Variants in ABLIM1 observed in about 807,000 individuals in gnomAD.
ABLIM1 encodes actin-binding LIM protein 1.
Under a neutral mutation model 107.0 loss-of-function variants are expected in ABLIM1, and 40 were observed. The ratio of observed to expected loss-of-function variants is 0.37; its 90% confidence interval spans 0.29 to 0.49. The LOEUF is 0.49. ABLIM1 is among the 20% of genes least tolerant of loss of function. ABLIM1 has a pLI of 0.97. For synonymous variants in ABLIM1, 357 were observed against 357.3 expected (o/e 1.00, Z 0.01); for missense variants, 857 against 1,008.5 (o/e 0.85, Z 2.04).
At chr10:114,774,561 C>T in the ABLIM1 span, among the ~76,000 whole-genome samples, 67 of 152,110 alleles carry the variant, frequency 4.4e-4, no homozygotes, top group Admixed American at 2.0e-4. Context: ...TGAAGTTCCA[C>T]GAGGATAGGT....
At chr10:114,543,739 C>T (rs1296784625) in intron 6 of ABLIM1, among the ~76,000 whole-genome samples, 1 of 152,190 alleles carries the variant, frequency 6.6e-6, no homozygotes, top group East Asian at 1.9e-4. Context: ...CTCTTGGGAC[C>T]CTGCCCACTT....
At chr10:114,464,939 A>C (rs1432991836) in intron 12 of ABLIM1, among the ~76,000 whole-genome samples, 1 of 152,342 alleles carries the variant, frequency 6.6e-6, no homozygotes, top group South Asian at 2.1e-4. Context: ...TTGGATCTGT[A>C]CTGGGATCTC....
chr10:114,695,059 T>C (rs2081167212), intron 1 of ABLIM1, among the ~76,000 whole-genome samples: 1 of 152,218 alleles, frequency 6.6e-6, no homozygotes, highest in African/African-American at 2.4e-5. Flanking sequence ...TGCTTGATGG[T>C]ATGTACTGAG....
At chr10:114,627,052 T>C (rs1484000015) in intron 1 of ABLIM1, among the ~76,000 whole-genome samples, 2 of 152,136 alleles carry the variant, frequency 1.3e-5, no homozygotes, top group African/African-American at 4.8e-5. Flanking sequence ...AGTGAGACAA[T>C]ACATTTCTGT....
rs1675550246 is a variant in ABLIM1, at chr10:114,487,974, G to C, written c.1025C>G (p.Thr342Ser). ...WHPDCKQSTK[T>S]EEKLRPTRTS... ...TGTCCTTACCCGCAGCTTTTCCTCG[G>C]TCTTCGTAGATTGCTTACAGTCGGG... Residue 342 changes from threonine (T) to serine (S), a missense_variant, in exon 8 of 23, where the codon ACC (threonine) becomes AGC (serine). Thr to Ser is a moderately conservative substitution (Grantham distance 58). Coordinates refer to ENST00000533213, the MANE Select transcript of ABLIM1 (RefSeq NM_002313.7). 4.3e-6 allele frequency: 7 copies of C among 1,613,976 alleles called. No individual in the cohort carries two copies. The highest frequency in any genetic ancestry group is 3.3e-5 in the Admixed American group (2 of 59,992).
intron 1 of ABLIM1, among the ~76,000 whole-genome samples, chr10:114,722,310 A>C (rs980248943): frequency 1.3e-5 from 2 of 152,092 alleles, no homozygotes; most frequent in Admixed American, 6.5e-5. Context: ...GAGGAAGAGA[A>C]GGGGGAGGTG....
chr10:114,579,165 C>A (rs527633502), intron 2 of ABLIM1, among the ~76,000 whole-genome samples: 37 of 150,092 alleles, frequency 2.5e-4, no homozygotes, highest in Non-Finnish European at 4.6e-4. Context: ...CAGCATGGCT[C>A]TGCTGTAGTA....
chr10:114,618,690 G>T (rs893525951), intron 1 of ABLIM1, among the ~76,000 whole-genome samples: 1 of 152,320 alleles, frequency 6.6e-6, no homozygotes, highest in East Asian at 1.9e-4. Context: ...TGTCAACAAG[G>T]TGCCTTCCAA....
At chr10:114,504,540 C>T (rs2060870447) in intron 6 of ABLIM1, among the ~76,000 whole-genome samples, 1 of 152,108 alleles carries the variant, frequency 6.6e-6, no homozygotes. Flanking sequence ...CTTCCTAAGG[C>T]CATCCCTTGA....
In ABLIM1 at chr10:114,755,112, G is replaced by A. The variant is rs565790730; in HGVS notation, c.-213+12949C>T. ...GCCTGAGGAACGGAGCCGCACAGCA[G>A]GACGTGAGCAGCAGGCAAGCGAGCA... On this transcript the variant is annotated intron_variant, in intron 1 of 15. Transcript: ENST00000651092. 3.3e-5 allele frequency among the ~76,000 whole-genome samples: 5 copies of A among 152,314 alleles called. No homozygotes were observed. In the South Asian group the frequency reaches 8.3e-4, roughly 25 times the overall value.
intron 4 of ABLIM1, among the ~76,000 whole-genome samples, chr10:114,570,328 G>A (rs116325717): frequency 0.047 from 7,199 of 152,106 alleles, 218 homozygotes; most frequent in East Asian, 0.081. Flanking sequence ...TTTTTATTTG[G>A]GGGTAAGTAG....
the ABLIM1 span, among the ~76,000 whole-genome samples, chr10:114,783,140 G>A: frequency 6.6e-6 from 1 of 151,940 alleles, no homozygotes; most frequent in Non-Finnish European, 1.5e-5. Flanking sequence ...AAATTAGCTG[G>A]GTGTGGTGGT....
chr10:114,463,650 T>C (rs1343884355), intron 12 of ABLIM1, among the ~76,000 whole-genome samples: 12 of 152,132 alleles, frequency 7.9e-5, no homozygotes, highest in Admixed American at 6.5e-5. Context: ...CATGTTTGTG[T>C]TCCCTGTGTG....
At chr10:114,516,713 A>G (rs903833236) in intron 6 of ABLIM1, among the ~76,000 whole-genome samples, 2 of 152,196 alleles carry the variant, frequency 1.3e-5, no homozygotes, top group African/African-American at 4.8e-5. Context: ...TGAGCTTCAC[A>G]CTGGATTCAG....
intron 6 of ABLIM1, among the ~76,000 whole-genome samples, chr10:114,505,533 G>T (rs540321486): frequency 4.6e-5 from 7 of 152,262 alleles, no homozygotes; most frequent in Admixed American, 4.6e-4. Context: ...AAGTGCATTT[G>T]GTGGGAAGGA....
intron 4 of ABLIM1, among the ~76,000 whole-genome samples, chr10:114,567,356 TTTC>T (rs1485485302): frequency 6.6e-6 from 1 of 152,242 alleles, no homozygotes; most frequent in Non-Finnish European, 1.5e-5. Flanking sequence ...TGGACATTTG[TTTC>T]TTCTTCTCTG....
chr10:114,606,043 C>T (rs975289941), intron 1 of ABLIM1, among the ~76,000 whole-genome samples: 4 of 152,058 alleles, frequency 2.6e-5, no homozygotes, highest in African/African-American at 9.7e-5. Context: ...AAGAGGAAGT[C>T]CACAAAGCTA....
chr10:114,615,131 T>C (rs2077049301), intron 1 of ABLIM1, among the ~76,000 whole-genome samples: 1 of 152,120 alleles, frequency 6.6e-6, no homozygotes, highest in Non-Finnish European at 1.5e-5. Context: ...ACTCATTTGT[T>C]AAATCCCTTT....
intron 6 of ABLIM1, among the ~76,000 whole-genome samples, chr10:114,538,468 G>C (rs1489513799): frequency 6.6e-6 from 1 of 152,154 alleles, no homozygotes; most frequent in Non-Finnish European, 1.5e-5. Flanking sequence ...TCCATCTGAG[G>C]CTCTTTCTTA....
Sources: gnomAD v4.1 joint callset for allele counts (sites outside exome capture counted in the v4.1 genomes callset) on GRCh38, gnomAD v4.1.1 for gene constraint, MANE v1.5 for transcripts, NCBI Gene and HGNC (gene_info 2026-07-23, HGNC 2026-07-21) for gene names.